THSD4: variants seen among roughly 807,000 people sequenced by gnomAD.
THSD4 encodes the protein thrombospondin type 1 domain containing 4.
A neutral mutation model predicts 119.0 loss-of-function variants in THSD4; 69 were observed. The ratio of observed to expected loss-of-function variants is 0.58; its 90% CI spans 0.48 to 0.71. The LOEUF is 0.71. THSD4 is among the 30% of genes least tolerant of loss of function. THSD4 has a pLI of 0.00. For missense variants in THSD4, 1,393 were observed against 1,391.1 expected (o/e 1.00, Z -0.02); for synonymous variants, 524 against 540.4 (o/e 0.97, Z 0.42).
At chr15:71,336,014 C>G (rs543276076) in intron 6 of THSD4, among the ~76,000 whole-genome samples, 1 of 152,296 alleles carries the variant, frequency 6.6e-6, no homozygotes, top group African/African-American at 2.4e-5. Flanking sequence ...AAAAGAATCT[C>G]AATCATTGGG....
intron 7 of THSD4, among the ~76,000 whole-genome samples, chr15:71,629,271 GC>G (rs2050570761): frequency 1.3e-5 from 2 of 152,202 alleles, no homozygotes; most frequent in Non-Finnish European, 1.5e-5. Context: ...ACAACTGACA[GC>G]CTTCAGGTCT....
chr15:71,120,680 A>T (rs1440654349), intron 1 of THSD4, among the ~76,000 whole-genome samples: 1 of 152,238 alleles, frequency 6.6e-6, no homozygotes, highest in Non-Finnish European at 1.5e-5. Context: ...GCCAGGGGAA[A>T]TGAAGGGCCA....
rs1215592332 is a variant in THSD4, at chr15:71,589,911, C to T, written c.1153-70619C>T. ...CTAGAGCCACATGTGTCATCATGGACACAAATAAGAAATCAAATGTGAAAG... is the reference window on the plus strand; with the variant it reads ...CTAGAGCCACATGTGTCATCATGGATACAAATAAGAAATCAAATGTGAAAG... On this transcript the variant is annotated intron_variant, in intron 7 of 17. Coordinates refer to ENST00000261862, the MANE Select transcript of THSD4 (RefSeq NM_024817.3). Among the ~76,000 whole-genome samples, 3 of 139,036 alleles carry T rather than the reference C, an allele frequency of 2.2e-5. 1 individual carries two copies. The highest frequency in any genetic ancestry group is 3.3e-5 in the Non-Finnish European group (2 of 61,092). 91.2% of individuals were successfully genotyped at this position (139,036 alleles called of 152,430 possible).
At chr15:71,402,795 T>C (rs931931741) in intron 6 of THSD4, among the ~76,000 whole-genome samples, 1 of 151,916 alleles carries the variant, frequency 6.6e-6, no homozygotes, top group African/African-American at 2.4e-5. Context: ...CAGGTAGGGG[T>C]AGGTTATCTG....
At chr15:71,426,920 C>T (rs764221072) in intron 7 of THSD4, among the ~76,000 whole-genome samples, 5 of 151,974 alleles carry the variant, frequency 3.3e-5, no homozygotes, top group South Asian at 2.1e-4. Context: ...AACAAAAGAA[C>T]GAGGTAGAAA....
Position 71,660,684 on chromosome 15 carries a change from G to A in THSD4, c.1307G>A (p.Gly436Glu). 6.2e-7 allele frequency: 1 copy of A among 1,614,124 alleles called. No homozygotes were observed. The highest frequency in any genetic ancestry group is 8.5e-7 in the Non-Finnish European group (1 of 1,180,014). ...CACCGCGTCGTGGAGATTCCCGAGG[G>A]AGCCACGAAAATCAACATCACGGAG... ...GYHRVVEIPE[G>E]ATKINITEMY... Residue 436 changes from glycine to glutamate, a missense_variant, in exon 8 of 18, where the codon GGA (glycine) becomes GAA (glutamate). Transcript: ENST00000261862.
chr15:71,547,152 C>T (rs150275132), intron 7 of THSD4: 4 of 1,236,202 alleles, frequency 3.2e-6, no homozygotes, highest in Non-Finnish European at 4.1e-6. Context: ...TTAAAGGCAG[C>T]CCCCCAGCTC....
intron 7 of THSD4, among the ~76,000 whole-genome samples, chr15:71,479,184 T>A (rs1306566440): frequency 8.5e-5 from 1 of 11,700 alleles, no homozygotes. Context: ...TTCTGCCTTT[T>A]TTTTTTTTTT....
At chr15:71,677,707 T>C (rs570624528) in intron 8 of THSD4, among the ~76,000 whole-genome samples, 2 of 152,324 alleles carry the variant, frequency 1.3e-5, no homozygotes, top group East Asian at 3.9e-4. Flanking sequence ...TATTGATAGT[T>C]AGCACCTAGC....
chr15:71,276,487 G>C (rs2044591814), intron 6 of THSD4, among the ~76,000 whole-genome samples: 1 of 152,168 alleles, frequency 6.6e-6, no homozygotes, highest in Admixed American at 6.5e-5. Context: ...GCTGGGCTTG[G>C]AAACAAGGAA....
At chr15:71,603,761 G>A (rs774259404) in intron 7 of THSD4, among the ~76,000 whole-genome samples, 8 of 152,192 alleles carry the variant, frequency 5.3e-5, no homozygotes, top group Non-Finnish European at 1.0e-4. Flanking sequence ...TGAATTTGAC[G>A]CAGTGGGCAT....
At chr15:71,529,462 A>G (rs897027741) in intron 7 of THSD4, among the ~76,000 whole-genome samples, 5 of 152,210 alleles carry the variant, frequency 3.3e-5, no homozygotes, top group African/African-American at 1.2e-4. Flanking sequence ...TATATTGATC[A>G]TAAGAAAGAT....
intron 7 of THSD4, among the ~76,000 whole-genome samples, chr15:71,638,375 A>G (rs563479438): frequency 1.3e-5 from 2 of 152,328 alleles, no homozygotes; most frequent in South Asian, 2.1e-4. Context: ...GAAATGTCCT[A>G]TAGATGTCCT....
intron 1 of THSD4, among the ~76,000 whole-genome samples, chr15:71,120,708 C>G (rs758989192): frequency 4.6e-5 from 7 of 152,118 alleles, no homozygotes; most frequent in Non-Finnish European, 1.0e-4. Flanking sequence ...GCTGGGAGCT[C>G]GTCATGACCT....
chr15:71,274,149 A>G (rs948689012), intron 6 of THSD4, among the ~76,000 whole-genome samples: 1 of 152,248 alleles, frequency 6.6e-6, no homozygotes, highest in Non-Finnish European at 1.5e-5. Context: ...TAATTTTCAA[A>G]TAAGAAATCT....
At chr15:71,182,457 A>G (rs1243450996) in intron 3 of THSD4, among the ~76,000 whole-genome samples, 10 of 151,862 alleles carry the variant, frequency 6.6e-5, no homozygotes, top group Admixed American at 5.9e-4. Context: ...CTTTAGGACT[A>G]TAAATGGTTC....
At chr15:71,131,388 A>G (rs896980593) in intron 1 of THSD4, among the ~76,000 whole-genome samples, 18 of 152,130 alleles carry the variant, frequency 1.2e-4, no homozygotes, top group Non-Finnish European at 1.8e-4. Flanking sequence ...TTAATGAAGA[A>G]AGAGCTCTTA....
chr15:71,190,525 C>T (rs914279240), intron 3 of THSD4, among the ~76,000 whole-genome samples: 7 of 152,334 alleles, frequency 4.6e-5, no homozygotes, highest in Admixed American at 4.6e-4. Context: ...GCTGTGCAAA[C>T]TCTAAAACTA....
intron 14 of THSD4, among the ~76,000 whole-genome samples, chr15:71,754,323 C>T (rs2053500982): frequency 6.6e-6 from 1 of 152,108 alleles, no homozygotes; most frequent in South Asian, 2.1e-4. Flanking sequence ...CTCCTGACCT[C>T]AGGTGATCCA....
Sources: gnomAD v4.1 joint callset for allele counts (sites outside exome capture counted in the v4.1 genomes callset) on GRCh38, gnomAD v4.1.1 for gene constraint, MANE v1.5 for transcripts, NCBI Gene and HGNC (gene_info 2026-07-23, HGNC 2026-07-21) for gene names.